Variants in SHISA9 observed in about 807,000 individuals in gnomAD.
SHISA9 encodes shisa family member 9.
In SHISA9, 13 loss-of-function variants were observed where a neutral mutation model predicts 38.0. That is an observed-to-expected ratio of 0.34 (90% CI 0.22 to 0.54). The LOEUF (loss-of-function observed/expected upper bound fraction) is 0.54. Ranked by LOEUF, SHISA9 falls within the 20% of genes least tolerant of loss-of-function variation. The probability of loss-of-function intolerance (pLI) is 0.91; values close to 1 mark genes in which losing one functional copy is unlikely to be tolerated. For synonymous variants in SHISA9, 275 were observed against 242.0 expected, an observed-to-expected ratio of 1.14 and a Z score of -1.27; for missense variants, 538 against 575.8, an observed-to-expected ratio of 0.93 and a Z score of 0.67.
the SHISA9 span, among the ~76,000 whole-genome samples, chr16:13,406,621 A>T: frequency 1.3e-5 from 2 of 152,126 alleles, no homozygotes; most frequent in Admixed American, 6.5e-5. Context: ...CAGAAACACG[A>T]CCCTGCGGGT....
chr16:13,169,350 A>G (rs182837260), intron 2 of SHISA9, among the ~76,000 whole-genome samples: 20 of 152,212 alleles, frequency 1.3e-4, no homozygotes, highest in Non-Finnish European at 2.6e-4. Flanking sequence ...TTCCCTTTTC[A>G]TGTTATTGGC....
chr16:13,418,849 T>A, the SHISA9 span, among the ~76,000 whole-genome samples: 2 of 152,182 alleles, frequency 1.3e-5, no homozygotes, highest in Admixed American at 1.3e-4. Flanking sequence ...TCAGGCAGAA[T>A]AAACAACACG....
chr16:13,085,715 A>T (rs74012257), intron 2 of SHISA9, among the ~76,000 whole-genome samples: 3,579 of 152,276 alleles, frequency 0.024, 142 homozygotes, highest in African/African-American at 0.082. Context: ...GGGCTAAAAA[A>T]ACACCTGGTG....
the SHISA9 span, among the ~76,000 whole-genome samples, chr16:13,509,666 C>T: frequency 6.6e-6 from 1 of 152,198 alleles, no homozygotes; most frequent in Non-Finnish European, 1.5e-5. Flanking sequence ...TATCAGGTCT[C>T]TCTGCATGGA....
At position 13,240,368 on chromosome 16, in the gene SHISA9, C is replaced by G. The variant is rs536282973; in HGVS notation, c.*4959C>G. 1.3e-5 allele frequency: 2 copies of G among 152,170 alleles called. No individual in the cohort carries two copies. The highest frequency in any genetic ancestry group is 4.8e-5 in the African/African-American group (2 of 41,438). 9.4% of individuals were successfully genotyped at this position (152,170 alleles called of 1,614,324 possible). On this transcript the variant is annotated 3_prime_UTR_variant, in exon 5 of 5. Coordinates refer to ENST00000558583, the MANE Select transcript of SHISA9 (RefSeq NM_001145204.3). ...GTTTATTTGTAAACATATGTATTCA[C>G]TATATTAATATGAATTTCTTACCTG...
chr16:13,465,011 CT>C, the SHISA9 span, among the ~76,000 whole-genome samples: 1 of 151,998 alleles, frequency 6.6e-6, no homozygotes, highest in Non-Finnish European at 1.5e-5. Flanking sequence ...TAAAACATAC[CT>C]TTTACCAAAG....
At chr16:12,915,597 T>C (rs1311054698) in intron 1 of SHISA9, among the ~76,000 whole-genome samples, 1 of 152,184 alleles carries the variant, frequency 6.6e-6, no homozygotes, top group Non-Finnish European at 1.5e-5. Context: ...TCCATTCTGA[T>C]GGGTTTCTGA....
chr16:13,390,270 G>C, the SHISA9 span, among the ~76,000 whole-genome samples: 118 of 152,226 alleles, frequency 7.8e-4, 1 homozygote, highest in African/African-American at 2.7e-3. Context: ...AGTCACGCCA[G>C]AACCAAACCT....
the SHISA9 span, among the ~76,000 whole-genome samples, chr16:13,408,955 G>C: frequency 2.0e-5 from 3 of 152,156 alleles, no homozygotes; most frequent in African/African-American, 4.8e-5. Context: ...GAGAGAACAG[G>C]TATTCTTGTT....
the SHISA9 span, among the ~76,000 whole-genome samples, chr16:13,428,765 G>GTTTTT: frequency 2.6e-4 from 21 of 79,362 alleles, no homozygotes; most frequent in African/African-American, 8.1e-4. Context: ...TTATTTTATT[G>GTTTTT]TTTTATTGTT....
chr16:13,273,404 G>A, the SHISA9 span, among the ~76,000 whole-genome samples: 1 of 152,118 alleles, frequency 6.6e-6, no homozygotes, highest in Admixed American at 6.6e-5. Context: ...ATGGGGGCTG[G>A]TCTTTCCTGT....
intron 2 of SHISA9, among the ~76,000 whole-genome samples, chr16:13,086,282 G>A (rs1164352011): frequency 6.7e-6 from 1 of 148,874 alleles, no homozygotes; most frequent in Non-Finnish European, 1.5e-5. Context: ...TTGAACCCGG[G>A]AGGCAGAGGT....
At chr16:13,226,023 G>A (rs540333124) in intron 4 of SHISA9, among the ~76,000 whole-genome samples, 68 of 152,268 alleles carry the variant, frequency 4.5e-4, no homozygotes, top group African/African-American at 1.3e-3. Flanking sequence ...ACGAGGTACC[G>A]GGGCTGATTA....
At chr16:13,390,453 C>T in the SHISA9 span, among the ~76,000 whole-genome samples, 11 of 152,102 alleles carry the variant, frequency 7.2e-5, no homozygotes, top group African/African-American at 2.4e-4. Context: ...GTCTTTGTCC[C>T]TCTGTGTTTC....
chr16:13,134,391 C>A (rs2050330242), intron 2 of SHISA9, among the ~76,000 whole-genome samples: 1 of 152,106 alleles, frequency 6.6e-6, no homozygotes, highest in Admixed American at 6.6e-5. Flanking sequence ...GAGTGCCTGA[C>A]AATGTGCAAG....
At chr16:13,433,831 G>A in the SHISA9 span, among the ~76,000 whole-genome samples, 1 of 152,272 alleles carries the variant, frequency 6.6e-6, no homozygotes, top group East Asian at 1.9e-4. Flanking sequence ...GTGTGCTTTG[G>A]CTTTGACCAT....
At chr16:13,116,770 C>A (rs1443176090) in intron 2 of SHISA9, among the ~76,000 whole-genome samples, 1 of 152,124 alleles carries the variant, frequency 6.6e-6, no homozygotes, top group African/African-American at 2.4e-5. Flanking sequence ...GATTACTGAA[C>A]AAAGGAGGTT....
chr16:13,388,652 C>T, the SHISA9 span, among the ~76,000 whole-genome samples: 4 of 152,140 alleles, frequency 2.6e-5, no homozygotes, highest in Non-Finnish European at 4.4e-5. Context: ...CTATCATATG[C>T]TAACTCTCTG....
chr16:13,417,266 T>A, the SHISA9 span, among the ~76,000 whole-genome samples: 1 of 152,368 alleles, frequency 6.6e-6, no homozygotes. Context: ...ATGTTTCATA[T>A]TTTATGATAT....
Sources: allele counts gnomAD v4.1 joint callset (sites outside exome capture counted in the v4.1 genomes callset), GRCh38; gene constraint gnomAD v4.1.1; transcripts MANE v1.5; gene names NCBI Gene and HGNC (gene_info 2026-07-23, HGNC 2026-07-21).